Variants in PRELID2 observed in about 807,000 individuals in gnomAD.
The protein encoded by PRELID2 is PRELI domain-containing protein 2.
In PRELID2, 25 loss-of-function variants were observed where a neutral mutation model predicts 28.4. That is an observed-to-expected ratio of 0.88 (90% CI 0.64 to 1.23). The LOEUF is 1.23. Ranked by LOEUF, PRELID2 falls within the 50% of genes most tolerant of loss-of-function variation. The pLI, the probability that PRELID2 is intolerant of heterozygous loss-of-function variation, is 0.00. For missense variants in PRELID2, 201 were observed against 214.4 expected (o/e 0.94, Z 0.39); for synonymous variants, 76 against 71.6 (o/e 1.06, Z -0.31).
the PRELID2 span, among the ~76,000 whole-genome samples, chr5:145,319,311 G>T: frequency 6.6e-6 from 1 of 152,090 alleles, no homozygotes; most frequent in Non-Finnish European, 1.5e-5. Flanking sequence ...TGAAGAAAGT[G>T]GTGTCCACCC....
At chr5:145,601,050 G>C (rs1753389256) in intron 1 of PRELID2, among the ~76,000 whole-genome samples, 1 of 152,098 alleles carries the variant, frequency 6.6e-6, no homozygotes, top group Admixed American at 6.6e-5. Context: ...TAACTACTGG[G>C]GAGACTGAGG....
At chr5:145,689,211 A>T (rs1205424863) in intron 1 of PRELID2, among the ~76,000 whole-genome samples, 1 of 152,130 alleles carries the variant, frequency 6.6e-6, no homozygotes, top group Non-Finnish European at 1.5e-5. Flanking sequence ...GGTCCAGCAA[A>T]GCTGGGATTT....
the PRELID2 span, among the ~76,000 whole-genome samples, chr5:145,362,350 T>G: frequency 1.3e-4 from 20 of 152,156 alleles, no homozygotes; most frequent in Non-Finnish European, 2.9e-5. Flanking sequence ...GAAGACTTCA[T>G]ATTCACTAAC....
the PRELID2 span, among the ~76,000 whole-genome samples, chr5:145,394,682 T>C: frequency 6.6e-6 from 1 of 152,306 alleles, no homozygotes; most frequent in South Asian, 2.1e-4. Context: ...CTGGAACTTG[T>C]GTTAATCCCA....
chr5:145,544,726 A>G (rs144205328), intron 1 of PRELID2, among the ~76,000 whole-genome samples: 2 of 152,266 alleles, frequency 1.3e-5, no homozygotes, highest in Non-Finnish European at 2.9e-5. Flanking sequence ...CTAGAACTAT[A>G]ATGAGCTCTT....
chr5:145,268,536 T>G, the PRELID2 span, among the ~76,000 whole-genome samples: 3 of 152,118 alleles, frequency 2.0e-5, no homozygotes, highest in Non-Finnish European at 2.9e-5. Flanking sequence ...AACACTGTAG[T>G]AGAATCTTAG....
intron 1 of PRELID2, among the ~76,000 whole-genome samples, chr5:145,578,326 G>A (rs1561509552): frequency 6.6e-6 from 1 of 152,130 alleles, no homozygotes; most frequent in Non-Finnish European, 1.5e-5. Context: ...CTTAGAAAAT[G>A]TGTGAAGCTT....
At chr5:145,825,679 T>C (rs2149879898) in intron 1 of PRELID2, among the ~76,000 whole-genome samples, 1 of 152,322 alleles carries the variant, frequency 6.6e-6, no homozygotes, top group Non-Finnish European at 1.5e-5. Flanking sequence ...TTAAACATTA[T>C]AAACTCAAAT....
the PRELID2 span, among the ~76,000 whole-genome samples, chr5:145,362,244 A>G: frequency 6.6e-6 from 1 of 152,296 alleles, no homozygotes; most frequent in Admixed American, 6.5e-5. Context: ...AAGCCTTTCA[A>G]AAGAAAAATA....
Position 145,766,107 on chromosome 5 carries a change from G to C in PRELID2, c.475-1107C>G, listed in dbSNP as rs554052516. Among the ~76,000 whole-genome samples, 56 of 152,264 alleles carry C rather than the reference G, an allele frequency of 3.7e-4. 1 individual carries two copies. Among genetic ancestry groups the C allele is most frequent in the African/African-American group, 1.3e-3 (54 of 41,554 alleles). Reference sequence around the variant, plus strand: ...TAAAGGACAAGTTTTACAGACCAGAGGATAAACCTTCAAGTGGGAAGACAG... The same window carrying C: ...TAAAGGACAAGTTTTACAGACCAGACGATAAACCTTCAAGTGGGAAGACAG... On this transcript the variant is annotated intron_variant, in intron 5 of 6. Coordinates refer to ENST00000683046, the MANE Select transcript of PRELID2 (RefSeq NM_205846.3).
At chr5:145,250,081 C>T in the PRELID2 span, among the ~76,000 whole-genome samples, 30 of 151,938 alleles carry the variant, frequency 2.0e-4, no homozygotes, top group African/African-American at 3.6e-4. Context: ...AACGATGTTG[C>T]TTTTGTAACA....
At chr5:145,284,303 AATCT>A in the PRELID2 span, among the ~76,000 whole-genome samples, 2 of 152,170 alleles carry the variant, frequency 1.3e-5, no homozygotes, top group African/African-American at 4.8e-5. Flanking sequence ...TTCTTTTAAC[AATCT>A]ATCTAGGTTC....
chr5:145,705,685 G>C (rs1273245278), intron 1 of PRELID2, among the ~76,000 whole-genome samples: 4 of 152,226 alleles, frequency 2.6e-5, no homozygotes, highest in Non-Finnish European at 5.9e-5. Flanking sequence ...TAGGCCATAT[G>C]ATACCTGTCA....
intron 1 of PRELID2, among the ~76,000 whole-genome samples, chr5:145,741,466 A>G (rs1410217957): frequency 3.0e-5 from 1 of 33,484 alleles, no homozygotes; most frequent in Non-Finnish European, 6.5e-5. Flanking sequence ...TTATTTATAT[A>G]TAAACAAAAT....
intron 5 of PRELID2, among the ~76,000 whole-genome samples, chr5:145,768,910 G>C (rs1413192499): frequency 2.0e-5 from 3 of 151,822 alleles, no homozygotes; most frequent in Admixed American, 6.6e-5. Context: ...GGCAGGGAGA[G>C]AGAGGCCTAT....
intron 1 of PRELID2, among the ~76,000 whole-genome samples, chr5:145,744,426 C>T (rs773279467): frequency 1.6e-4 from 25 of 152,200 alleles, no homozygotes; most frequent in Admixed American, 2.6e-4. Context: ...GGTTGTGAGA[C>T]ACCCTGTACA....
At chr5:145,721,462 T>C (rs956967286) in intron 1 of PRELID2, among the ~76,000 whole-genome samples, 22 of 152,234 alleles carry the variant, frequency 1.4e-4, no homozygotes, top group African/African-American at 5.3e-4. Context: ...ACTAAATACC[T>C]AATCCTAATA....
At chr5:145,597,130 C>CTGAATT (rs1313326841) in intron 1 of PRELID2, among the ~76,000 whole-genome samples, 1 of 152,104 alleles carries the variant, frequency 6.6e-6, no homozygotes, top group Non-Finnish European at 1.5e-5. Flanking sequence ...AATTAAATAA[C>CTGAATT]TGAATTTTTA....
intron 5 of PRELID2, among the ~76,000 whole-genome samples, chr5:145,784,343 T>C (rs1021646240): frequency 6.6e-6 from 1 of 152,140 alleles, no homozygotes; most frequent in Non-Finnish European, 1.5e-5. Flanking sequence ...TCAAAGTAGA[T>C]ATCAGAAGAC....
Sources: allele counts gnomAD v4.1 joint callset (sites outside exome capture counted in the v4.1 genomes callset), GRCh38; gene constraint gnomAD v4.1.1; transcripts MANE v1.5; gene names NCBI Gene and HGNC (gene_info 2026-07-23, HGNC 2026-07-21).